The following TMEM117 variants were observed in gnomAD, a reference collection of about 807,000 sequenced individuals.
TMEM117 encodes the protein transmembrane protein 117.
A neutral mutation model predicts 52.4 loss-of-function variants in TMEM117; 27 were observed. That is an observed-to-expected ratio of 0.51 (90% CI 0.38 to 0.71). The LOEUF (loss-of-function observed/expected upper bound fraction) is 0.71. TMEM117 is among the 30% of genes least tolerant of loss of function. TMEM117 has a pLI of 0.00. For missense variants in TMEM117, 556 were observed against 630.5 expected (o/e 0.88, Z 1.26); for synonymous variants, 215 against 206.3 (o/e 1.04, Z -0.36).
chr12:43,811,890 G>A, the TMEM117 span, among the ~76,000 whole-genome samples: 2 of 152,148 alleles, frequency 1.3e-5, no homozygotes, highest in Non-Finnish European at 2.9e-5. Context: ...ATATGCCTTG[G>A]TTATCAGATT....
At chr12:44,362,846 A>AT (rs1467938154) in intron 6 of TMEM117, among the ~76,000 whole-genome samples, 1 of 125,922 alleles carries the variant, frequency 7.9e-6, no homozygotes, top group Non-Finnish European at 1.7e-5. Context: ...TTTTTTTTTT[A>AT]TTTTTTTGGT....
chr12:43,869,999 G>A (rs1339237635), intron 2 of TMEM117, among the ~76,000 whole-genome samples: 2 of 152,052 alleles, frequency 1.3e-5, no homozygotes, highest in African/African-American at 4.8e-5. Context: ...TTAGCTCCCA[G>A]TTATAAGTGA....
At chr12:43,848,440 A>T (rs1033329100) in intron 2 of TMEM117, among the ~76,000 whole-genome samples, 1 of 152,066 alleles carries the variant, frequency 6.6e-6, no homozygotes, top group African/African-American at 2.4e-5. Flanking sequence ...CAGGGTATTA[A>T]TATTAATATT....
At chr12:43,798,453 G>A in the TMEM117 span, 12 of 1,032,272 alleles carry the variant, frequency 1.2e-5, no homozygotes, top group African/African-American at 1.7e-4. Flanking sequence ...CATTCGCAGT[G>A]TTGCAACAGA....
upstream of TMEM117, among the ~76,000 whole-genome samples, chr12:43,831,270 G>A (rs1282960368): frequency 1.3e-5 from 2 of 152,146 alleles, no homozygotes; most frequent in Non-Finnish European, 2.9e-5. Flanking sequence ...AAATAGTTTT[G>A]CTCAGAGTCC....
intron 2 of TMEM117, among the ~76,000 whole-genome samples, chr12:43,891,642 A>T (rs1407132012): frequency 1.3e-5 from 2 of 152,000 alleles, no homozygotes; most frequent in Non-Finnish European, 2.9e-5. Flanking sequence ...CTGGGATTAC[A>T]GGCATGAGCC....
At chr12:44,158,794 A>G (rs959580696) in intron 4 of TMEM117, among the ~76,000 whole-genome samples, 4 of 152,156 alleles carry the variant, frequency 2.6e-5, no homozygotes, top group Admixed American at 6.6e-5. Context: ...GAAAAAGTCA[A>G]TTACAAAGAT....
At chr12:44,201,626 T>G (rs1949496736) in intron 4 of TMEM117, among the ~76,000 whole-genome samples, 1 of 152,184 alleles carries the variant, frequency 6.6e-6, no homozygotes, top group African/African-American at 2.4e-5. Context: ...AATTTCAGGT[T>G]CAGTTTTCTC....
rs188917407 is a variant in TMEM117 at position 44,207,047 on chromosome 12, T to C, written c.511-4243T>C. Among the ~76,000 whole-genome samples the C allele has an allele frequency of 2.1e-4, 32 of 152,306 alleles. 1 individual carries two copies. Among genetic ancestry groups the C allele is most frequent in the African/African-American group, 7.7e-4 (32 of 41,570 alleles). On this transcript the variant is annotated intron_variant, in intron 4 of 7. Transcript: ENST00000266534. The stretch of plus-strand genomic sequence containing the variant: ...CTAAACAGCTTTATATGTGCTAATA[T>C]TGAATGAAGTCAGTATATTGTTAAG...
At chr12:44,172,805 A>G (rs1324079634) in intron 4 of TMEM117, among the ~76,000 whole-genome samples, 1 of 152,016 alleles carries the variant, frequency 6.6e-6, no homozygotes, top group Non-Finnish European at 1.5e-5. Context: ...GCTCACTGCA[A>G]CCTCTGTCTC....
chr12:43,861,685 G>A (rs1264052962), intron 2 of TMEM117, among the ~76,000 whole-genome samples: 1 of 152,142 alleles, frequency 6.6e-6, no homozygotes, highest in African/African-American at 2.4e-5. Flanking sequence ...TTAGCTTTAG[G>A]TATGCAAGAA....
intron 5 of TMEM117, among the ~76,000 whole-genome samples, chr12:44,213,650 C>G (rs1432110696): frequency 6.6e-6 from 1 of 152,104 alleles, no homozygotes; most frequent in Non-Finnish European, 1.5e-5. Context: ...GGGGCGGTCA[C>G]CCCCTTGCTG....
chr12:44,135,015 C>T (rs1350097667), intron 3 of TMEM117, among the ~76,000 whole-genome samples: 2 of 152,154 alleles, frequency 1.3e-5, no homozygotes, highest in Non-Finnish European at 2.9e-5. Context: ...CTTTCATCCT[C>T]TGCCTGCCCT....
chr12:44,103,844 A>G lies in TMEM117; in HGVS notation c.411-39681A>G, dbSNP rs567055666. Reference sequence around the variant, plus strand: ...ATCTTTGACTTTTTATCTAGTCTTCACTAGATTTCCCCCTCAAGCACTTTT... The same window carrying G: ...ATCTTTGACTTTTTATCTAGTCTTCGCTAGATTTCCCCCTCAAGCACTTTT... On this transcript the variant is annotated intron_variant, in intron 3 of 7. Coordinates refer to ENST00000266534, the MANE Select transcript of TMEM117 (RefSeq NM_032256.3). Among the ~76,000 whole-genome samples, 7 of 152,152 alleles carry G rather than the reference A, an allele frequency of 4.6e-5. No individual in the cohort carries two copies. The South Asian group carries it at 1.5e-3, about 32-fold the overall frequency.
intron 6 of TMEM117, among the ~76,000 whole-genome samples, chr12:44,319,122 C>T (rs1951097776): frequency 2.0e-5 from 3 of 152,180 alleles, no homozygotes; most frequent in African/African-American, 7.2e-5. Context: ...ATGGAGGCCT[C>T]TACTCAGCAC....
At chr12:44,002,943 A>G (rs981527716) in intron 3 of TMEM117, among the ~76,000 whole-genome samples, 1 of 152,060 alleles carries the variant, frequency 6.6e-6, no homozygotes, top group Non-Finnish European at 1.5e-5. Flanking sequence ...CCTACCTGCC[A>G]TTTACTATTT....
chr12:43,912,181 G>A (rs893558318), intron 2 of TMEM117, among the ~76,000 whole-genome samples: 11 of 149,770 alleles, frequency 7.3e-5, no homozygotes, highest in Admixed American at 5.4e-4. Context: ...AAAAGGATGA[G>A]TTCATGTCCT....
intron 6 of TMEM117, among the ~76,000 whole-genome samples, chr12:44,346,377 T>C (rs144148302): frequency 1.4e-4 from 22 of 152,170 alleles, no homozygotes; most frequent in Non-Finnish European, 2.2e-4. Context: ...ATAAATGTGG[T>C]TTTTCATCCT....
At chr12:44,133,357 G>A (rs1032209658) in intron 3 of TMEM117, among the ~76,000 whole-genome samples, 1 of 152,120 alleles carries the variant, frequency 6.6e-6, no homozygotes, top group African/African-American at 2.4e-5. Context: ...GAGGAAAATA[G>A]CACTGTAATA....
Sources: gnomAD v4.1 joint callset for allele counts (sites outside exome capture counted in the v4.1 genomes callset) on GRCh38, gnomAD v4.1.1 for gene constraint, MANE v1.5 for transcripts, NCBI Gene and HGNC (gene_info 2026-07-23, HGNC 2026-07-21) for gene names.